Variants in SLC25A4 observed in about 807,000 individuals in gnomAD.
The protein encoded by SLC25A4 is ADP/ATP translocase 1.
In SLC25A4, 10 loss-of-function variants were observed where a neutral mutation model predicts 24.7. That is an observed-to-expected ratio of 0.41 (90% CI 0.25 to 0.69). SLC25A4 has a LOEUF of 0.69. SLC25A4 is among the 30% of genes least tolerant of loss of function. SLC25A4 has a pLI of 0.35. For synonymous variants in SLC25A4, 125 were observed against 153.3 expected (o/e 0.82, Z 1.36); for missense variants, 273 against 387.6 (o/e 0.70, Z 2.48).
chr4:185,146,009 A>G (rs1734436011), intron 3 of SLC25A4, 110 bp downstream of exon 3: 2 of 1,310,574 alleles, frequency 1.5e-6, no homozygotes, highest in Admixed American at 2.0e-5. Context: ...AAATTATTTG[A>G]TAAGGACTTA....
rs1258385849 is a variant in SLC25A4 at position 185,143,386 on chromosome 4, C to G, written c.14C>G (p.Ala5Gly). 5 of 1,529,280 alleles carry G rather than the reference C, an allele frequency of 3.3e-6. No individual in the cohort carries two copies. The South Asian group carries it at 4.9e-5, about 15-fold the overall frequency. 94.7% of individuals were successfully genotyped at this position (1,529,280 alleles called of 1,614,324 possible). ...CGAGCTGTCACCATGGGTGATCACG[C>G]TTGGAGCTTCCTAAAGGACTTCCTG... MGDH[A>G]WSFLKDFLAG... is the part of the protein sequence containing the mutation. The change falls in exon 1 of 4, where the codon GCT (alanine) becomes GGT (glycine). Residue 5 changes from alanine to glycine, a missense_variant. Transcript: ENST00000281456.
rs1339573306 is a variant in SLC25A4, at chr4:185,148,441, C to G, written c.*1470C>G. 2 of 152,120 alleles carry G rather than the reference C, an allele frequency of 1.3e-5. No homozygotes were observed. The highest frequency in any genetic ancestry group is 1.5e-5 in the Non-Finnish European group (1 of 68,038). The allele number at this position is 152,120 out of a possible 1,614,324, so 9.4% of individuals were successfully genotyped here. ...AGATAGGAACCTGCCCTGAAAGATG[C>G]TTCAGTTGGGGAGAAAAGGTGAAAT... On this transcript the variant is annotated 3_prime_UTR_variant, in exon 4 of 4. Coordinates refer to ENST00000281456, the MANE Select transcript of SLC25A4 (RefSeq NM_001151.4).
chr4:185,144,014 A>G (rs1004333824), intron 1 of SLC25A4, among the ~76,000 whole-genome samples: 14 of 152,176 alleles, frequency 9.2e-5, no homozygotes, highest in African/African-American at 3.1e-4. Context: ...AAATATTAAG[A>G]AACAATTTTC....
At chr4:185,146,102 T>C (rs1734438033) in intron 3 of SLC25A4, among the ~76,000 whole-genome samples, 1 of 152,162 alleles carries the variant, frequency 6.6e-6, no homozygotes, top group African/African-American at 2.4e-5. Flanking sequence ...TTAGAGATGA[T>C]AAGAACATGA....
rs201137002 is a variant in SLC25A4, at chr4:185,145,281, T to C, written c.598+31T>C. On this transcript the variant is annotated intron_variant, in intron 2 of 3. Coordinates refer to ENST00000281456, the MANE Select transcript of SLC25A4 (RefSeq NM_001151.4). The surrounding 1 kb of genome is among the most constrained non-coding windows in gnomAD (Gnocchi z 5.5). ...AGAGGGGCATCGGGGAGAAGGAGGG[T>C]GGTGTGGAAAGAGGATCCTATGGGA... 1.5e-4 allele frequency: 238 copies of C among 1,612,838 alleles called. No homozygotes were observed. Among genetic ancestry groups the C allele is most frequent in the Non-Finnish European group, 1.9e-4 (221 of 1,179,948 alleles).
chr4:185,146,971 A>G lies in SLC25A4; in HGVS notation c.897A>G (p.Ter299=), dbSNP rs1183977433. The change falls in exon 4 of 4, where the codon TAA becomes TAG. Residue 299 remains the stop codon, a stop_retained_variant. Coordinates refer to ENST00000281456, the MANE Select transcript of SLC25A4 (RefSeq NM_001151.4). ...VLYDEIKKYV[*] is the part of the protein sequence containing the mutation. ...ATGATGAGATCAAAAAATATGTCTA[A>G]TGTAATTAAAACACAAGTTCACAGA... 3 of 1,613,410 alleles carry G rather than the reference A, an allele frequency of 1.9e-6. No individual in the cohort carries two copies. The highest frequency in any genetic ancestry group is 2.5e-6 in the Non-Finnish European group (3 of 1,179,434).
At position 185,149,306 on chromosome 4, in the gene SLC25A4, A is replaced by G. The variant is rs144378592; in HGVS notation, c.*2335A>G. 3.3e-5 allele frequency: 5 copies of G among 152,334 alleles called. No individual in the cohort carries two copies. Among genetic ancestry groups the G allele is most frequent in the African/African-American group, 1.2e-4 (5 of 41,576 alleles). The allele number at this position is 152,334 out of a possible 1,614,324, so 9.4% of individuals were successfully genotyped here. A position where few individuals can be genotyped will look rare whatever the true frequency, so the allele number is the denominator to read the frequency against. On this transcript the variant is annotated 3_prime_UTR_variant, in exon 4 of 4. Transcript: ENST00000281456. ...AATGAATGAACAGTGCGTCCTCCCA[A>G]CCCAACCAAGAAGTGTAATTGTGTT...
rs572672979 is a variant in SLC25A4, at chr4:185,143,284, A to G, written c.-89A>G. On this transcript the variant is annotated 5_prime_UTR_variant, in exon 1 of 4. Transcript: ENST00000281456. ...AGGCGGCGGCCCCCTAGCGTCGCGC[A>G]GGGTCGGGGACTGCGCGGCGGTGCC... 4 of 683,190 alleles carry G rather than the reference A, an allele frequency of 5.9e-6. No individual in the cohort carries two copies. The highest frequency in any genetic ancestry group is 3.8e-5 in the African/African-American group (2 of 52,178). 42.3% of individuals were successfully genotyped at this position (683,190 alleles called of 1,614,324 possible). A position where few individuals can be genotyped will look rare whatever the true frequency, so the allele number is the denominator to read the frequency against.
Position 185,145,305 on chromosome 4 carries a change from G to T in SLC25A4, c.598+55G>T, listed in dbSNP as rs1387523628. 6.2e-7 allele frequency: 1 copy of T among 1,610,920 alleles called. No individual in the cohort carries two copies. The highest frequency in any genetic ancestry group is 1.1e-5 in the South Asian group (1 of 90,812). On this transcript the variant is annotated intron_variant, in intron 2 of 3. Transcript: ENST00000281456. This position sits in a 1 kb window ranked among gnomAD's most constrained non-coding sequence, Gnocchi z 5.5. ...GTGGTGTGGAAAGAGGATCCTATGG[G>T]ATCTATAACTCACAAAGGACCTGAT...
chr4:185,146,211 G>C (rs2111286989), intron 3 of SLC25A4, among the ~76,000 whole-genome samples: 1 of 152,264 alleles, frequency 6.6e-6, no homozygotes, highest in East Asian at 1.9e-4. Context: ...CTAGGGAAAA[G>C]AAGTAGTTAG....
Position 185,143,340 on chromosome 4 carries a change from C to A in SLC25A4, c.-33C>A. 2 of 1,331,716 alleles carry A rather than the reference C, an allele frequency of 1.5e-6. No individual in the cohort carries two copies. Among genetic ancestry groups the A allele is most frequent in the Non-Finnish European group, 1.0e-6 (1 of 960,380 alleles). The allele number at this position is 1,331,716 out of a possible 1,614,324, so 82.5% of individuals were successfully genotyped here. A position where few individuals can be genotyped will look rare whatever the true frequency, so the allele number is the denominator to read the frequency against. On this transcript the variant is annotated 5_prime_UTR_variant, in exon 1 of 4. The change creates a new upstream start codon in the 5' untranslated region. Transcript: ENST00000281456. Reference sequence around the variant, plus strand: ...GGGCGTGGGCGAGAGCACGAACGGGCTGCCTGCGGGCTGAGAGCGTCGAGC... The same window carrying A: ...GGGCGTGGGCGAGAGCACGAACGGGATGCCTGCGGGCTGAGAGCGTCGAGC...
At position 185,145,691 on chromosome 4, in the gene SLC25A4, T is replaced by C. The variant is rs529800110; in HGVS notation, c.599-68T>C. ...GGAGCTGGAGGTGCAGTGGCCTCTC[T>C]CCCTCCACCTGCTTTCTGCTGAGAA... On this transcript the variant is annotated intron_variant, in intron 2 of 3. Coordinates refer to ENST00000281456, the MANE Select transcript of SLC25A4 (RefSeq NM_001151.4). The surrounding 1 kb of genome is among the most constrained non-coding windows in gnomAD (Gnocchi z 5.5). 3 of 1,590,452 alleles carry C rather than the reference T, an allele frequency of 1.9e-6. No homozygotes were observed. The highest frequency in any genetic ancestry group is 1.7e-4 in the Middle Eastern group (1 of 5,990).
At position 185,145,636 on chromosome 4, in the gene SLC25A4, A is replaced by G. The variant is rs1734428562; in HGVS notation, c.599-123A>G. The G allele has an allele frequency of 8.1e-7, 1 of 1,230,606 alleles. No individual in the cohort carries two copies. The highest frequency in any genetic ancestry group is 1.2e-6 in the Non-Finnish European group (1 of 864,368). 76.2% of individuals were successfully genotyped at this position (1,230,606 alleles called of 1,614,324 possible). On this transcript the variant is annotated intron_variant, in intron 2 of 3. Coordinates refer to ENST00000281456, the MANE Select transcript of SLC25A4 (RefSeq NM_001151.4). The surrounding 1 kb of genome is among the most constrained non-coding windows in gnomAD (Gnocchi z 5.5). ...CTGGTCATATGTGAAGCACCTGCAC[A>G]GGGGCAGGTTCCCCGCAAGGTCAGA...
intron 1 of SLC25A4, 22 bp downstream of exon 1, chr4:185,143,505 AGGCGGGCGCGGGCGCGGCGGGCCG>A (rs1282345146): frequency 7.8e-6 from 9 of 1,154,576 alleles, no homozygotes; most frequent in Non-Finnish European, 1.0e-5. Flanking sequence ...GCGGTGCAAG[AGGCGGGCGCGGGCGCGGCGGGCCG>A]GGCGGGGCGC....
In SLC25A4 at chr4:185,147,668, T is replaced by C. The variant is rs543016248; in HGVS notation, c.*697T>C. 1 of 152,456 alleles carries C rather than the reference T, an allele frequency of 6.6e-6. No individual in the cohort carries two copies. Among genetic ancestry groups the C allele is most frequent in the Admixed American group, 6.5e-5 (1 of 15,290 alleles). The allele number at this position is 152,456 out of a possible 1,614,324, so 9.4% of individuals were successfully genotyped here. A position where few individuals can be genotyped will look rare whatever the true frequency, so the allele number is the denominator to read the frequency against. On this transcript the variant is annotated 3_prime_UTR_variant, in exon 4 of 4. Transcript: ENST00000281456. ...TAACTGTGACACCTAGAATTTTATG[T>C]TAAGTAGAGAGTATTCATTGAAAAT...
rs532936923 is a variant in SLC25A4, at chr4:185,148,682, G to A, written c.*1711G>A. 7 of 152,106 alleles carry A rather than the reference G, an allele frequency of 4.6e-5. No individual in the cohort carries two copies. The highest frequency in any genetic ancestry group is 3.3e-4 in the Admixed American group (5 of 15,278). 9.4% of individuals were successfully genotyped at this position (152,106 alleles called of 1,614,324 possible). On this transcript the variant is annotated 3_prime_UTR_variant, in exon 4 of 4. Coordinates refer to ENST00000281456, the MANE Select transcript of SLC25A4 (RefSeq NM_001151.4). ...TTGGATTTGCTCCTCCGAGATTTGC[G>A]AGCCAGAGGAAAATACTTAGACTAT...
rs997197313 is a variant in SLC25A4 at position 185,147,991 on chromosome 4, A to G, written c.*1020A>G. On this transcript the variant is annotated 3_prime_UTR_variant, in exon 4 of 4. Coordinates refer to ENST00000281456, the MANE Select transcript of SLC25A4 (RefSeq NM_001151.4). ...GCAAGACTCTGTCTCAAAAAAAAAA[A>G]AAAGAAAGAAAATCAGTTGTCTTAG... The G allele has an allele frequency of 6.6e-6, 1 of 152,026 alleles. No individual in the cohort carries two copies. The highest frequency in any genetic ancestry group is 1.5e-5 in the Non-Finnish European group (1 of 68,028). The allele number at this position is 152,026 out of a possible 1,614,324, so 9.4% of individuals were successfully genotyped here.
chr4:185,144,877 G>A lies in SLC25A4; in HGVS notation c.225G>A (p.Leu75=), dbSNP rs1247549277. Residue 75 remains leucine (L), a synonymous_variant, in exon 2 of 4, where the codon CTG becomes CTA. Coordinates refer to ENST00000281456, the MANE Select transcript of SLC25A4 (RefSeq NM_001151.4). The part of the protein sequence containing the change: ...QGFLSFWRGN[L]ANVIRYFPTQ... The stretch of plus-strand genomic sequence containing the variant: ...TCCTCTCCTTCTGGAGGGGTAACCT[G>A]GCCAACGTGATCCGTTACTTCCCCA... The A allele has an allele frequency of 1.2e-6, 2 of 1,614,114 alleles. No individual in the cohort carries two copies. The highest frequency in any genetic ancestry group is 1.7e-6 in the Non-Finnish European group (2 of 1,180,020).
Position 185,147,162 on chromosome 4 carries a change from T to G in SLC25A4, c.*191T>G, listed in dbSNP as rs1734456580. Reference sequence around the variant, plus strand: ...ACCACACATGTATTTTGTATTTATTTTACATTTAAATTCCCACAGCAAATA... The same window carrying G: ...ACCACACATGTATTTTGTATTTATTGTACATTTAAATTCCCACAGCAAATA... On this transcript the variant is annotated 3_prime_UTR_variant, in exon 4 of 4. Transcript: ENST00000281456. The G allele has an allele frequency of 3.6e-6, 2 of 562,604 alleles. No individual in the cohort carries two copies. The allele number at this position is 562,604 out of a possible 1,614,324, so 34.9% of individuals were successfully genotyped here.
Sources: allele counts gnomAD v4.1 joint callset (sites outside exome capture counted in the v4.1 genomes callset), GRCh38; gene constraint gnomAD v4.1.1; non-coding constraint Gnocchi (gnomAD v3.1); transcripts MANE v1.5; gene names NCBI Gene and HGNC (gene_info 2026-07-23, HGNC 2026-07-21).